The following SLC9C1 variants were observed in gnomAD, a reference collection of about 807,000 sequenced individuals.
The protein encoded by SLC9C1 is solute carrier family 9 member C1, also known as sodium/hydrogen exchanger 10.
SLC9C1 carries 97 observed loss-of-function variants against 140.9 expected under a neutral mutation model. The ratio of observed to expected loss-of-function variants is 0.69; its 90% CI spans 0.58 to 0.82. The LOEUF is 0.82. SLC9C1 is among the 40% of genes least tolerant of loss of function. The pLI is 0.00. For synonymous variants in SLC9C1, 440 were observed against 442.6 expected, an observed-to-expected ratio of 0.99 and a Z score of 0.07; for missense variants, 1,340 against 1,389.3, an observed-to-expected ratio of 0.96 and a Z score of 0.56.
At chr3:112,174,363 G>T (rs945108995) in intron 23 of SLC9C1, among the ~76,000 whole-genome samples, 1 of 152,192 alleles carries the variant, frequency 6.6e-6, no homozygotes, top group African/African-American at 2.4e-5. Flanking sequence ...GGGGCCAAAA[G>T]CTCACAGGGA....
chr3:112,280,974 C>T (rs2080342610), intron 2 of SLC9C1, among the ~76,000 whole-genome samples, 191 bp from the exon 3 acceptor site: 1 of 152,126 alleles, frequency 6.6e-6, no homozygotes, highest in African/African-American at 2.4e-5. Context: ...ACTGTTTTAC[C>T]TCTCCTATGA....
At chr3:112,178,784 T>C (rs1363313953) in intron 23 of SLC9C1, among the ~76,000 whole-genome samples, 1 of 152,226 alleles carries the variant, frequency 6.6e-6, no homozygotes, top group African/African-American at 2.4e-5. Context: ...CAACTGAAGG[T>C]TGTTTCCTAG....
rs2078816006 is a variant in SLC9C1, at chr3:112,231,182, C to CTTTT, written c.1572+178_1572+179insAAAA. Among the ~76,000 whole-genome samples, 9 of 149,728 alleles carry CTTTT rather than the reference C, an allele frequency of 6.0e-5. No homozygotes were observed. In the Admixed American group the frequency reaches 6.0e-4, roughly 10 times the overall value. On this transcript the variant is annotated intron_variant, in intron 13 of 28. Coordinates refer to ENST00000305815, the MANE Select transcript of SLC9C1 (RefSeq NM_183061.3). ...TCTTTCTCTTTCTTTCTTTTTCTTT[C>CTTTT]TTTCCTCTCTCTCTTTCTTTTTCTT...
At chr3:112,189,086 T>C (rs77066205) in intron 20 of SLC9C1, among the ~76,000 whole-genome samples, 44,759 of 152,024 alleles carry the variant, frequency 0.29, 6,743 homozygotes, top group East Asian at 0.35. Flanking sequence ...GTTTGTTTTT[T>C]TCTTGTAAAT....
At chr3:112,239,601 C>T (rs1477861732) in intron 12 of SLC9C1, among the ~76,000 whole-genome samples, 1 of 152,246 alleles carries the variant, frequency 6.6e-6, no homozygotes, top group East Asian at 1.9e-4. Context: ...TGGAACCATG[C>T]CCCCAAAACA....
At chr3:112,228,773 A>G (rs1396257578) in intron 13 of SLC9C1, among the ~76,000 whole-genome samples, 2 of 152,164 alleles carry the variant, frequency 1.3e-5, no homozygotes, top group Non-Finnish European at 2.9e-5. Context: ...GTCAACAAGC[A>G]CATAAAAAAA....
chr3:112,210,888 AAAATT>A (rs1373177113), intron 15 of SLC9C1, among the ~76,000 whole-genome samples: 1 of 152,292 alleles, frequency 6.6e-6, no homozygotes, highest in Non-Finnish European at 1.5e-5. Context: ...TTAAAAATAA[AAAATT>A]AAAAGGATGC....
rs2079918656 is a variant in SLC9C1, at chr3:112,266,341, C to T, written c.776-1G>A. The T allele has an allele frequency of 6.3e-7, 1 of 1,591,604 alleles. No individual in the cohort carries two copies. The highest frequency in any genetic ancestry group is 8.6e-7 in the Non-Finnish European group (1 of 1,169,184). Reference sequence around the variant, plus strand: ...ATTCCTGACATTCCAACTAACTCACCTATTTTTAAAAAGAAATAAATATAA... The same window carrying T: ...ATTCCTGACATTCCAACTAACTCACTTATTTTTAAAAAGAAATAAATATAA... On this transcript the variant is annotated splice_acceptor_variant, in intron 7 of 28. Transcript: ENST00000305815. LOFTEE classifies it high-confidence loss of function.
chr3:112,219,032 C>T (rs1560083859), intron 14 of SLC9C1, among the ~76,000 whole-genome samples: 1 of 152,182 alleles, frequency 6.6e-6, no homozygotes, highest in African/African-American at 2.4e-5. Context: ...GTGAATATAA[C>T]AACAGCATCT....
In SLC9C1 at chr3:112,144,644, C is replaced by T. The variant is rs1442567996; in HGVS notation, c.3525-3363G>A. 2.6e-5 allele frequency among the ~76,000 whole-genome samples: 4 copies of T among 152,208 alleles called. No homozygotes were observed. In the East Asian group the frequency reaches 7.7e-4, roughly 29 times the overall value. On this transcript the variant is annotated intron_variant, in intron 28 of 28. Coordinates refer to ENST00000305815, the MANE Select transcript of SLC9C1 (RefSeq NM_183061.3). ...TCTTTCAGCAGTATTTTGTCATTCT[C>T]CTTATAGAAATCTTTTACCTCCTTG... is the stretch of plus-strand genomic sequence containing the variant.
intron 12 of SLC9C1, among the ~76,000 whole-genome samples, chr3:112,235,984 A>G (rs6768111): frequency 0.29 from 44,704 of 152,026 alleles, 6,760 homozygotes; most frequent in East Asian, 0.35. Context: ...CTGGCCTCAT[A>G]AAATGAGTTA....
At chr3:112,184,713 GTGGCTGCTGTC>G (rs906051299) in intron 20 of SLC9C1, among the ~76,000 whole-genome samples, 7 of 152,222 alleles carry the variant, frequency 4.6e-5, no homozygotes, top group Admixed American at 2.6e-4. Context: ...CTGTCAAAGG[GTGGCTGCTGTC>G]CACTAACCAC....
chr3:112,237,912 G>A (rs561432434), intron 12 of SLC9C1, among the ~76,000 whole-genome samples: 4 of 152,054 alleles, frequency 2.6e-5, no homozygotes, highest in Non-Finnish European at 5.9e-5. Context: ...TTTCAACTTC[G>A]GTGAATCTGA....
At chr3:112,180,309 G>A (rs1051257756) in intron 22 of SLC9C1, among the ~76,000 whole-genome samples, 5 of 152,152 alleles carry the variant, frequency 3.3e-5, no homozygotes, top group African/African-American at 9.7e-5. Flanking sequence ...ATCACCTGAG[G>A]TCAGGAGTTT....
At chr3:112,289,876 C>T (rs1223179595) in intron 1 of SLC9C1, among the ~76,000 whole-genome samples, 1 of 152,154 alleles carries the variant, frequency 6.6e-6, no homozygotes, top group African/African-American at 2.4e-5. Flanking sequence ...ACATTCTCAA[C>T]CTTGGCCACA....
At chr3:112,200,598 T>C in intron 19 of SLC9C1, 113 bp downstream of exon 19, 1 of 848,852 alleles carries the variant, frequency 1.2e-6, no homozygotes, top group Non-Finnish European at 1.9e-6. Flanking sequence ...CTCACTTCAG[T>C]ATTGTTAGTG....
chr3:112,165,085 T>A (rs192042342), intron 26 of SLC9C1, among the ~76,000 whole-genome samples: 267 of 152,368 alleles, frequency 1.8e-3, no homozygotes, highest in Admixed American at 3.8e-3. Flanking sequence ...GCTTGTGCGT[T>A]CATCACGTAG....
chr3:112,280,399 C>A (rs2080325222), intron 3 of SLC9C1, among the ~76,000 whole-genome samples: 2 of 149,550 alleles, frequency 1.3e-5, no homozygotes, highest in Non-Finnish European at 3.0e-5. Flanking sequence ...CTTTTAAAAT[C>A]TGTTTAACAT....
At chr3:112,174,387 T>G (rs1396492477) in intron 23 of SLC9C1, among the ~76,000 whole-genome samples, 4 of 152,134 alleles carry the variant, frequency 2.6e-5, no homozygotes, top group Non-Finnish European at 5.9e-5. Context: ...AAGATTGGTC[T>G]TTCCTCTGGT....
Sources: allele counts gnomAD v4.1 joint callset (sites outside exome capture counted in the v4.1 genomes callset), GRCh38; gene constraint gnomAD v4.1.1; transcripts MANE v1.5; gene names NCBI Gene and HGNC (gene_info 2026-07-23, HGNC 2026-07-21).